The following SNX29 variants were observed in gnomAD, a reference collection of about 807,000 sequenced individuals.
SNX29 encodes the protein sorting nexin 29, also known as sorting nexin-29.
In SNX29, 78 loss-of-function variants were observed where a neutral mutation model predicts 102.1. The ratio of observed to expected loss-of-function variants is 0.76; its 90% CI spans 0.64 to 0.92. SNX29 has a LOEUF of 0.92. SNX29 is among the 40% of genes least tolerant of loss of function. SNX29 has a pLI of 0.00. For missense variants in SNX29, 1,280 were observed against 1,061.7 expected, an observed-to-expected ratio of 1.21 and a Z score of -2.86; for synonymous variants, 580 against 414.5, an observed-to-expected ratio of 1.40 and a Z score of -4.85.
intron 18 of SNX29, among the ~76,000 whole-genome samples, chr16:12,440,708 T>G (rs1713725004): frequency 6.6e-6 from 1 of 151,598 alleles, no homozygotes; most frequent in South Asian, 2.1e-4. Flanking sequence ...TTTCTGTTTC[T>G]GTGTTAGTTT....
intron 18 of SNX29, among the ~76,000 whole-genome samples, chr16:12,476,085 C>T (rs1005586957): frequency 1.3e-5 from 2 of 151,582 alleles, no homozygotes; most frequent in African/African-American, 4.9e-5. Context: ...CTTTGTGAGG[C>T]CAAGGCAGGC....
intron 17 of SNX29, among the ~76,000 whole-genome samples, chr16:12,402,881 C>T (rs1388660390): frequency 6.6e-6 from 1 of 152,180 alleles, no homozygotes; most frequent in Non-Finnish European, 1.5e-5. Context: ...TCTCTGGTCC[C>T]TCCCTCCTCC....
In SNX29 at chr16:12,556,228, T is replaced by G. The variant is rs181503590; in HGVS notation, c.2319-12278T>G. The G allele has an allele frequency of 1.3e-4, 20 of 152,256 alleles. No individual in the cohort carries two copies. In the East Asian group the frequency reaches 3.5e-3, roughly 26 times the overall value. The allele number at this position is 152,256 out of a possible 1,614,324, so 9.4% of individuals were successfully genotyped here. The stretch of plus-strand genomic sequence containing the variant: ...ACCTAGGGTCTTCCAATTGTGAGGT[T>G]GGTTTCATGGCGTCACACCCCACCT... On this transcript the variant is annotated intron_variant, in intron 20 of 20. Coordinates refer to ENST00000566228, the MANE Select transcript of SNX29 (RefSeq NM_032167.5).
intron 20 of SNX29, among the ~76,000 whole-genome samples, chr16:12,566,220 G>A (rs1287184026): frequency 6.6e-6 from 1 of 152,210 alleles, no homozygotes; most frequent in African/African-American, 2.4e-5. Flanking sequence ...ATATGCTTAT[G>A]GTTGTCATCC....
At position 12,289,564 on chromosome 16, in the gene SNX29, G is replaced by A. The variant is rs533993038; in HGVS notation, c.1782+11528G>A. On this transcript the variant is annotated intron_variant, in intron 15 of 20. Coordinates refer to ENST00000566228, the MANE Select transcript of SNX29 (RefSeq NM_032167.5). Reference sequence around the variant, plus strand: ...TTCTCCACCCCATGTGTTCTGTTTCGCTTCCATTTCTGCTGAAGCCTCATT... The same window carrying A: ...TTCTCCACCCCATGTGTTCTGTTTCACTTCCATTTCTGCTGAAGCCTCATT... 1.3e-4 allele frequency among the ~76,000 whole-genome samples: 20 copies of A among 152,200 alleles called. No homozygotes were observed. In the South Asian group the frequency reaches 4.2e-3, roughly 32 times the overall value.
At chr16:12,118,045 C>T (rs947503153) in intron 11 of SNX29, among the ~76,000 whole-genome samples, 5 of 151,464 alleles carry the variant, frequency 3.3e-5, no homozygotes, top group South Asian at 4.2e-4. Flanking sequence ...TGCAGTGAGC[C>T]GAGATCCCAC....
intron 18 of SNX29, among the ~76,000 whole-genome samples, chr16:12,466,593 G>T (rs1159953999): frequency 6.6e-6 from 1 of 152,134 alleles, no homozygotes; most frequent in African/African-American, 2.4e-5. Context: ...TTCATGCCTT[G>T]CTTGTGTCCA....
intron 20 of SNX29, among the ~76,000 whole-genome samples, chr16:12,559,149 T>TG (rs1400854351): frequency 2.0e-5 from 3 of 152,132 alleles, no homozygotes; most frequent in East Asian, 1.9e-4. Flanking sequence ...CCCCAACCCC[T>TG]GGCCCAGTAC....
intron 20 of SNX29, among the ~76,000 whole-genome samples, chr16:12,562,991 A>G (rs74207075): frequency 0.26 from 38,521 of 150,670 alleles, 5,349 homozygotes; most frequent in East Asian, 0.44. Flanking sequence ...TGCGTAAGAA[A>G]AACTGCTTCA....
At chr16:11,994,422 A>C (rs748654490) in intron 1 of SNX29, among the ~76,000 whole-genome samples, 1 of 152,096 alleles carries the variant, frequency 6.6e-6, no homozygotes, top group Non-Finnish European at 1.5e-5. Context: ...CTGTGTGGCA[A>C]AGTGTTTGCT....
intron 20 of SNX29, among the ~76,000 whole-genome samples, chr16:12,559,722 A>G (rs76129512): frequency 0.014 from 2,188 of 152,212 alleles, 54 homozygotes; most frequent in South Asian, 0.11. Flanking sequence ...TGAGAACACC[A>G]AGAAATAGAT....
rs565539664 is a variant in SNX29 at position 12,383,257 on chromosome 16, A to T, written c.1900-15189A>T. Among the ~76,000 whole-genome samples, 7 of 152,282 alleles carry T rather than the reference A, an allele frequency of 4.6e-5. No homozygotes were observed. In the South Asian group the frequency reaches 1.2e-3, roughly 27 times the overall value. On this transcript the variant is annotated intron_variant, in intron 16 of 20. Transcript: ENST00000566228. The stretch of plus-strand genomic sequence containing the variant: ...GTGGAAAGATACATGCAATCTTTAC[A>T]TACAGGGATTATTGTCCTGTTGCCA...
At chr16:12,557,679 G>A (rs1243611648) in intron 20 of SNX29, 1 of 152,226 alleles carries the variant, frequency 6.6e-6, no homozygotes, top group Non-Finnish European at 1.5e-5. Flanking sequence ...TCTTTTTGAT[G>A]AGTGGCAGTG....
chr16:11,982,217 A>G (rs2150960973), intron 1 of SNX29, among the ~76,000 whole-genome samples: 1 of 138,708 alleles, frequency 7.2e-6, no homozygotes, highest in South Asian at 2.8e-4. Context: ...GGTGGTGGTC[A>G]CAATTTGTTT....
chr16:12,556,565 C>T (rs1352986217), intron 20 of SNX29: 1 of 152,232 alleles, frequency 6.6e-6, no homozygotes, highest in Non-Finnish European at 1.5e-5. Flanking sequence ...GCATTTGATT[C>T]TGAACACAGT....
chr16:12,104,336 A>C (rs1364523605), intron 11 of SNX29, among the ~76,000 whole-genome samples: 1 of 152,108 alleles, frequency 6.6e-6, no homozygotes, highest in Non-Finnish European at 1.5e-5. Flanking sequence ...TGGGCAGATC[A>C]CCTGAGGTCA....
intron 13 of SNX29, among the ~76,000 whole-genome samples, chr16:12,196,107 A>G (rs1012267245): frequency 2.0e-5 from 3 of 150,054 alleles, no homozygotes; most frequent in African/African-American, 7.4e-5. Flanking sequence ...TCCCAAGTAG[A>G]TGGGACAACA....
intron 15 of SNX29, among the ~76,000 whole-genome samples, chr16:12,302,631 C>T (rs752665843): frequency 6.6e-6 from 1 of 152,196 alleles, no homozygotes; most frequent in African/African-American, 2.4e-5. Flanking sequence ...ATGACCTAAG[C>T]GCCTCCCAAA....
intron 15 of SNX29, among the ~76,000 whole-genome samples, chr16:12,341,925 C>T (rs16959254): frequency 0.053 from 8,024 of 152,194 alleles, 322 homozygotes; most frequent in East Asian, 0.13. Flanking sequence ...CTAGTGACTC[C>T]GTAGCTGCCA....
Sources: gnomAD v4.1 joint callset for allele counts (sites outside exome capture counted in the v4.1 genomes callset) on GRCh38, gnomAD v4.1.1 for gene constraint, MANE v1.5 for transcripts, NCBI Gene and HGNC (gene_info 2026-07-23, HGNC 2026-07-21) for gene names.